NEDD4: variants seen among roughly 807,000 people sequenced by gnomAD.
NEDD4 encodes NEDD4 E3 ubiquitin protein ligase.
Under a neutral mutation model 144.9 loss-of-function variants are expected in NEDD4, and 99 were observed. The ratio of observed to expected loss-of-function variants is 0.68; its 90% confidence interval spans 0.58 to 0.81. The LOEUF (loss-of-function observed/expected upper bound fraction) is 0.81, where lower values mean the gene tolerates loss of function less well. Ranked by LOEUF, NEDD4 falls within the 30% of genes least tolerant of loss-of-function variation. NEDD4 has a pLI of 0.00. For missense variants in NEDD4, 985 were observed against 1,065.9 expected (o/e 0.92, Z 1.06); for synonymous variants, 318 against 350.6 (o/e 0.91, Z 1.04).
rs2036123794 is a variant in NEDD4, at chr15:55,907,011, C to G, written c.291+17635G>C. Among the ~76,000 whole-genome samples, 3 of 151,952 alleles carry G rather than the reference C, an allele frequency of 2.0e-5. No homozygotes were observed. The South Asian group carries it at 6.2e-4, about 32-fold the overall frequency. ...TCGGGAGGCCAAGGCACCAGAATTG[C>G]TTCAACCTGGGAGGCAGAGGTTGCA... On this transcript the variant is annotated intron_variant, in intron 5 of 28. Coordinates refer to ENST00000435532, the MANE Select transcript of NEDD4 (RefSeq NM_006154.4).
intron 2 of NEDD4, among the ~76,000 whole-genome samples, chr15:55,953,828 C>G (rs954477165): frequency 1.3e-5 from 2 of 152,210 alleles, no homozygotes; most frequent in Non-Finnish European, 2.9e-5. Context: ...TCAAGCAATT[C>G]TCCTGCCTCA....
At chr15:55,960,747 T>C (rs1193465300) in intron 2 of NEDD4, among the ~76,000 whole-genome samples, 1 of 152,188 alleles carries the variant, frequency 6.6e-6, no homozygotes, top group Non-Finnish European at 1.5e-5. Context: ...ATGAAATTTA[T>C]GCCTACTTGC....
intron 5 of NEDD4, among the ~76,000 whole-genome samples, chr15:55,903,546 C>T (rs760267527): frequency 6.6e-6 from 1 of 151,942 alleles, no homozygotes; most frequent in African/African-American, 2.4e-5. Flanking sequence ...ATACTGGGGC[C>T]GGGCAAGGTG....
chr15:55,850,836 C>G, intron 13 of NEDD4, 94 bp from the exon 14 acceptor site: 2 of 1,042,714 alleles, frequency 1.9e-6, no homozygotes, highest in Non-Finnish European at 2.7e-6. Flanking sequence ...AAATAGAATA[C>G]ACACCCTCCA....
At chr15:55,936,574 C>G (rs2036893257) in intron 4 of NEDD4, among the ~76,000 whole-genome samples, 1 of 152,026 alleles carries the variant, frequency 6.6e-6, no homozygotes, top group African/African-American at 2.4e-5. Flanking sequence ...CATACACTTG[C>G]ATATATATAC....
chr15:55,956,687 T>C (rs1489137400), intron 2 of NEDD4, among the ~76,000 whole-genome samples: 1 of 152,240 alleles, frequency 6.6e-6, no homozygotes, highest in Non-Finnish European at 1.5e-5. Flanking sequence ...CTCATGCCAC[T>C]GCCACTCTGT....
chr15:55,859,353 A>T (rs1156686369), intron 11 of NEDD4, among the ~76,000 whole-genome samples: 4 of 152,214 alleles, frequency 2.6e-5, no homozygotes, highest in Non-Finnish European at 4.4e-5. Flanking sequence ...GTCAAAGTAT[A>T]TCAGTTCTTA....
rs371115025 is a variant in NEDD4, at chr15:55,848,923, A to C, written c.1348-37T>G. On this transcript the variant is annotated intron_variant, in intron 14 of 28. Transcript: ENST00000435532. ...GAGTAAATAAAGAACAATACACACA[A>C]ATTTTAAAATAATCAAAGTCAGTCT... 6.1e-6 allele frequency: 9 copies of C among 1,486,854 alleles called. No individual in the cohort carries two copies. The African/African-American group carries it at 6.9e-5, about 11-fold the overall frequency. 92.1% of individuals were successfully genotyped at this position (1,486,854 alleles called of 1,614,324 possible).
intron 4 of NEDD4, among the ~76,000 whole-genome samples, chr15:55,939,289 T>G (rs2036952357): frequency 6.6e-6 from 1 of 152,114 alleles, no homozygotes; most frequent in Non-Finnish European, 1.5e-5. Context: ...GAGTTCATTC[T>G]CTGGAGATCT....
chr15:55,842,244 C>A, intron 18 of NEDD4, 81 bp from the exon 19 acceptor site: 1 of 1,077,510 alleles, frequency 9.3e-7, no homozygotes, highest in South Asian at 1.4e-5. Flanking sequence ...TTATAACATT[C>A]CCTCTACACC....
At chr15:55,870,523 CTTCTTCTT>C (rs1373054374) in intron 7 of NEDD4, among the ~76,000 whole-genome samples, 2,580 of 81,418 alleles carry the variant, frequency 0.032, 45 homozygotes, top group African/African-American at 0.1. Flanking sequence ...TCTTCTTCTT[CTTCTTCTT>C]TTTTTTTTTT....
intron 4 of NEDD4, among the ~76,000 whole-genome samples, chr15:55,943,725 T>C (rs1169427200): frequency 6.6e-6 from 1 of 152,212 alleles, no homozygotes; most frequent in Non-Finnish European, 1.5e-5. Context: ...AATGTGGGAC[T>C]GGAGTCCCCA....
Position 55,966,517 on chromosome 15 carries a change from A to G in NEDD4, c.75T>C (p.Val25=). ...TCTTGGCAAGGCCTATTCCGGCTAT[A>G]ACTCTTACTCTCACAATTCGTGAAT... ...EENSRIVRVR[V]IAGIGLAKKD... is the part of the protein sequence containing the mutation. The change falls in exon 2 of 29, where the codon GTT becomes GTC. Residue 25 remains valine (V), a synonymous_variant. Coordinates refer to ENST00000435532, the MANE Select transcript of NEDD4 (RefSeq NM_006154.4). The G allele has an allele frequency of 6.5e-7, 1 of 1,536,992 alleles. No individual in the cohort carries two copies. Among genetic ancestry groups the G allele is most frequent in the Non-Finnish European group, 8.8e-7 (1 of 1,141,184 alleles).
At chr15:55,860,249 T>A (rs2034346343) in intron 11 of NEDD4, among the ~76,000 whole-genome samples, 158 bp downstream of exon 11, 1 of 152,208 alleles carries the variant, frequency 6.6e-6, no homozygotes, top group Non-Finnish European at 1.5e-5. Context: ...AATGAGGATA[T>A]TTGAAAAATG....
At chr15:55,949,933 T>A (rs1311789086) in intron 4 of NEDD4, among the ~76,000 whole-genome samples, 1 of 151,404 alleles carries the variant, frequency 6.6e-6, no homozygotes, top group Non-Finnish European at 1.5e-5. Flanking sequence ...ACAGGTACCC[T>A]AGAACTTAAA....
chr15:55,985,740 ATATG>A (rs1227618022), intron 1 of NEDD4, among the ~76,000 whole-genome samples: 1 of 142,010 alleles, frequency 7.0e-6, no homozygotes, highest in East Asian at 2.1e-4. Flanking sequence ...GTATACTTAT[ATATG>A]TGTGTAGAGT....
At chr15:55,944,356 G>C (rs1354535450) in intron 4 of NEDD4, among the ~76,000 whole-genome samples, 1 of 152,192 alleles carries the variant, frequency 6.6e-6, no homozygotes, top group Non-Finnish European at 1.5e-5. Context: ...GGATTGGCGG[G>C]TACCATGCCC....
chr15:55,917,015 G>C (rs1159626049), intron 5 of NEDD4: 3 of 1,320,792 alleles, frequency 2.3e-6, no homozygotes. Context: ...GAAAGAAAAA[G>C]ACGACCCATT....
At chr15:55,982,995 G>A (rs1395703295) in intron 1 of NEDD4, among the ~76,000 whole-genome samples, 1 of 151,956 alleles carries the variant, frequency 6.6e-6, no homozygotes, top group Non-Finnish European at 1.5e-5. Flanking sequence ...GGTGACTGGC[G>A]CCTGTAATCC....
Sources: allele counts gnomAD v4.1 joint callset (sites outside exome capture counted in the v4.1 genomes callset), GRCh38; gene constraint gnomAD v4.1.1; transcripts MANE v1.5; gene names NCBI Gene and HGNC (gene_info 2026-07-23, HGNC 2026-07-21).